The following TBCD variants were observed in gnomAD, a reference collection of about 807,000 sequenced individuals.
The protein encoded by TBCD is tubulin folding cofactor D.
In TBCD, 105 loss-of-function variants were observed where a neutral mutation model predicts 169.3. That is an observed-to-expected ratio of 0.62 (90% CI 0.53 to 0.73). The LOEUF (loss-of-function observed/expected upper bound fraction) is 0.73, where lower values mean the gene tolerates loss of function less well. Among genes scored for constraint, TBCD ranks in the 30% least tolerant of loss-of-function variants. TBCD has a pLI of 0.00. For synonymous variants in TBCD, 700 were observed against 643.9 expected (o/e 1.09, Z -1.32); for missense variants, 1,444 against 1,600.1 (o/e 0.90, Z 1.66).
chr17:82,768,297 T>A, intron 4 of TBCD, 123 bp from the exon 5 acceptor site: 2 of 1,183,924 alleles, frequency 1.7e-6, no homozygotes, highest in Non-Finnish European at 2.4e-6. Context: ...CTGAGGGTGA[T>A]GGCATTTGAA....
At chr17:82,820,569 T>C (rs1218132034) in intron 13 of TBCD, among the ~76,000 whole-genome samples, 2 of 152,124 alleles carry the variant, frequency 1.3e-5, no homozygotes, top group Non-Finnish European at 2.9e-5. Context: ...GCCCCTCTCC[T>C]CTCCTTGTGG....
At chr17:82,821,875 T>C in intron 13 of TBCD, among the ~76,000 whole-genome samples, 1 of 152,216 alleles carries the variant, frequency 6.6e-6, no homozygotes, top group East Asian at 1.9e-4. Flanking sequence ...AATTTTTAAA[T>C]GTATAATACA....
chr17:82,926,665 G>C (rs1057496573), intron 28 of TBCD, among the ~76,000 whole-genome samples, 174 bp downstream of exon 28: 1 of 152,228 alleles, frequency 6.6e-6, no homozygotes, highest in Non-Finnish European at 1.5e-5. Context: ...TTCTCTTGCT[G>C]TCATAGTCGT....
intron 13 of TBCD, among the ~76,000 whole-genome samples, chr17:82,855,993 CTTTTTTTTT>C (rs60978063): frequency 9.1e-5 from 6 of 66,268 alleles, no homozygotes; most frequent in African/African-American, 3.5e-4. Context: ...TCCCCCCCCA[CTTTTTTTTT>C]TTTTTTTTTT....
chr17:82,766,713 A>G (rs962032623), intron 4 of TBCD, among the ~76,000 whole-genome samples: 1 of 152,202 alleles, frequency 6.6e-6, no homozygotes, highest in African/African-American at 2.4e-5. Context: ...AGCGGGACTC[A>G]CAGCACTCAG....
intron 13 of TBCD, among the ~76,000 whole-genome samples, chr17:82,817,516 C>T (rs940030575): frequency 3.9e-5 from 6 of 152,100 alleles, no homozygotes; most frequent in African/African-American, 9.7e-5. Context: ...GGGCTGGTCT[C>T]GAACTCCTGA....
intron 5 of TBCD, 140 bp from the exon 6 acceptor site, chr17:82,772,312 T>G: frequency 1.2e-6 from 1 of 825,354 alleles, no homozygotes. Context: ...TTTTGCAGCT[T>G]TGGACTTAGG....
Position 82,923,103 on chromosome 17 carries a change from G to GACGT in TBCD, c.2179-548_2179-545dup, listed in dbSNP as rs2061515822. On this transcript the variant is annotated intron_variant, in intron 25 of 38. Coordinates refer to ENST00000355528, the MANE Select transcript of TBCD (RefSeq NM_005993.5). This position sits in a 1 kb window ranked among gnomAD's most constrained non-coding sequence, Gnocchi z 4.6. ...GAGCCCTGTCTCTCTAAATGAGGCTGACGTGGCTTGGCCTGAAGGCCCTGC... is the reference window on the plus strand; with the variant it reads ...GAGCCCTGTCTCTCTAAATGAGGCTGACGTACGTGGCTTGGCCTGAAGGCCCTGC... 2.0e-5 allele frequency among the ~76,000 whole-genome samples: 3 copies of GACGT among 152,370 alleles called. No homozygotes were observed. The South Asian group carries it at 6.2e-4, about 32-fold the overall frequency.
chr17:82,901,523 GTGGTCCTGCTGCCTACTAT>G (rs1567995064), intron 18 of TBCD, among the ~76,000 whole-genome samples: 7 of 151,166 alleles, frequency 4.6e-5, no homozygotes, highest in South Asian at 2.1e-4. Context: ...GCTGCCTACT[GTGGTCCTGCTGCCTACTAT>G]TGGTCCTGCT....
At chr17:82,895,374 T>A (rs1239950070) in intron 17 of TBCD, among the ~76,000 whole-genome samples, 2 of 152,088 alleles carry the variant, frequency 1.3e-5, no homozygotes, top group Non-Finnish European at 1.5e-5. Flanking sequence ...GAGGCAGTGG[T>A]CCTGTTCAGC....
chr17:82,886,881 G>T (rs1019204714), intron 15 of TBCD, among the ~76,000 whole-genome samples: 1 of 151,346 alleles, frequency 6.6e-6, no homozygotes, highest in African/African-American at 2.4e-5. Flanking sequence ...TGTTGGCCAG[G>T]ATGGTCTCGA....
At chr17:82,937,828 C>T (rs1313747901) in intron 35 of TBCD, 37 of 1,459,876 alleles carry the variant, frequency 2.5e-5, no homozygotes, top group East Asian at 1.5e-4. Flanking sequence ...CTCTGTGAGG[C>T]GTCCTCACTT....
intron 6 of TBCD, among the ~76,000 whole-genome samples, chr17:82,781,085 G>A (rs1442111156): frequency 3.3e-5 from 5 of 152,008 alleles, no homozygotes; most frequent in Non-Finnish European, 7.4e-5. Flanking sequence ...GGGGCTACAC[G>A]AGCAGCTGGC....
chr17:82,879,809 G>A (rs1205999305), intron 14 of TBCD, among the ~76,000 whole-genome samples: 1 of 152,146 alleles, frequency 6.6e-6, no homozygotes, highest in African/African-American at 2.4e-5. Context: ...TCTTATAAAC[G>A]GAAATAATCA....
intron 13 of TBCD, among the ~76,000 whole-genome samples, chr17:82,826,631 G>C (rs1396975982): frequency 6.6e-6 from 1 of 152,080 alleles, no homozygotes; most frequent in Non-Finnish European, 1.5e-5. Flanking sequence ...GCCCAGACTG[G>C]TCTTGAACTC....
At chr17:82,850,055 TGGCTGTG>T (rs2055573829) in intron 13 of TBCD, among the ~76,000 whole-genome samples, 1 of 40,584 alleles carries the variant, frequency 2.5e-5, no homozygotes, top group Non-Finnish European at 5.1e-5. Flanking sequence ...GTGCTGTTGT[TGGCTGTG>T]CTGCTGTTGG....
At chr17:82,808,832 A>G (rs1335050859) in intron 11 of TBCD, among the ~76,000 whole-genome samples, 81 of 81,810 alleles carry the variant, frequency 9.9e-4, no homozygotes, top group African/African-American at 2.6e-3. Flanking sequence ...CTGCTGTGGA[A>G]GGGATGAAGC....
intron 36 of TBCD, chr17:82,939,110 T>C (rs555942544): frequency 3.7e-6 from 2 of 535,636 alleles, no homozygotes; most frequent in Admixed American, 6.7e-5. Context: ...TAATAAAGCA[T>C]TTAAACAAGA....
At chr17:82,830,062 A>C in intron 13 of TBCD, 1 of 1,581,612 alleles carries the variant, frequency 6.3e-7, no homozygotes, top group Non-Finnish European at 8.6e-7. Flanking sequence ...TGAAAGTGCC[A>C]GTTCAGAGGT....
Sources: allele counts gnomAD v4.1 joint callset (sites outside exome capture counted in the v4.1 genomes callset), GRCh38; gene constraint gnomAD v4.1.1; non-coding constraint Gnocchi (gnomAD v3.1); transcripts MANE v1.5; gene names NCBI Gene and HGNC (gene_info 2026-07-23, HGNC 2026-07-21).